Variants in PCDH11X observed in about 807,000 individuals in gnomAD.
PCDH11X encodes protocadherin 11 X-linked.
A neutral mutation model predicts 53.3 loss-of-function variants in PCDH11X; 18 were observed. The ratio of observed to expected loss-of-function variants is 0.34; its 90% confidence interval spans 0.23 to 0.50. The LOEUF (loss-of-function observed/expected upper bound fraction) is 0.50, where lower values mean the gene tolerates loss of function less well. Ranked by LOEUF, PCDH11X falls within the 20% of genes least tolerant of loss-of-function variation. PCDH11X has a pLI of 0.98. For missense variants in PCDH11X, 570 were observed against 1,032.4 expected, an observed-to-expected ratio of 0.55 and a Z score of 6.14; for synonymous variants, 279 against 393.3, an observed-to-expected ratio of 0.71 and a Z score of 3.44.
intron 6 of PCDH11X, among the ~76,000 whole-genome samples, chrX:91,881,620 C>T (rs1317273890): frequency 9.0e-6 from 1 of 111,610 alleles, no homozygotes; most frequent in African/African-American, 3.2e-5. Context: ...TTTCTATATG[C>T]TCTTCAATTT....
At chrX:92,480,356 C>T (rs1603341196) in intron 10 of PCDH11X, among the ~76,000 whole-genome samples, 1 of 111,195 alleles carries the variant, frequency 9.0e-6, no homozygotes, top group Non-Finnish European at 1.9e-5. Flanking sequence ...TCTGTCATGT[C>T]AGCTATTTCA....
chrX:92,314,502 C>G (rs1381798399), intron 8 of PCDH11X, among the ~76,000 whole-genome samples: 2 of 111,728 alleles, frequency 1.8e-5, no homozygotes, highest in Non-Finnish European at 3.8e-5. Context: ...AATACATAAA[C>G]TAGTAACATA....
At chrX:92,337,758 C>T (rs2148511707) in intron 8 of PCDH11X, among the ~76,000 whole-genome samples, 1 of 111,188 alleles carries the variant, frequency 9.0e-6, no homozygotes, top group African/African-American at 3.3e-5. Context: ...AGACCATCTT[C>T]AGGGTTTTCT....
chrX:92,319,253 T>C (rs1190068688), intron 8 of PCDH11X, among the ~76,000 whole-genome samples: 3 of 111,949 alleles, frequency 2.7e-5, no homozygotes, highest in African/African-American at 9.7e-5. Context: ...GAATTCATCT[T>C]CCTCTATCAA....
intron 6 of PCDH11X, among the ~76,000 whole-genome samples, chrX:91,966,618 A>G (rs897631272): frequency 7.2e-5 from 8 of 110,847 alleles, no homozygotes; most frequent in African/African-American, 2.6e-4. Context: ...CACGTTGTGC[A>G]CATGTACCCC....
chrX:91,851,757 G>A lies in PCDH11X; in HGVS notation c.540+15713G>A, dbSNP rs180812845. 1.4e-3 allele frequency among the ~76,000 whole-genome samples: 158 copies of A among 111,684 alleles called. 1 individual carries two copies. Among genetic ancestry groups the A allele is most frequent in the African/African-American group, 5.1e-3 (157 of 30,761 alleles). ...ACTAATTGGATTTACATAAACCCAA[G>A]TATTATATTTTACATATGCATTGAT... On this transcript the variant is annotated intron_variant, in intron 5 of 10. Transcript: ENST00000682573.
At chrX:92,482,444 C>G (rs1366992878) in intron 10 of PCDH11X, among the ~76,000 whole-genome samples, 1 of 110,190 alleles carries the variant, frequency 9.1e-6, no homozygotes, top group Non-Finnish European at 1.9e-5. Flanking sequence ...GTGCATAATT[C>G]TGTTCTTTTA....
chrX:92,240,073 G>A (rs1317301798), intron 7 of PCDH11X, among the ~76,000 whole-genome samples: 1 of 111,848 alleles, frequency 8.9e-6, no homozygotes, highest in Admixed American at 9.6e-5. Context: ...TTTATAGGTT[G>A]GAAGTCCAAG....
At chrX:92,103,157 A>G (rs952185766) in intron 6 of PCDH11X, among the ~76,000 whole-genome samples, 2 of 110,653 alleles carry the variant, frequency 1.8e-5, no homozygotes, top group African/African-American at 6.6e-5. Flanking sequence ...CGGCAATGAG[A>G]TGTGGCTGTA....
intron 6 of PCDH11X, among the ~76,000 whole-genome samples, chrX:92,195,841 T>G (rs2066284145): frequency 8.9e-6 from 1 of 111,870 alleles, no homozygotes; most frequent in Non-Finnish European, 1.9e-5. Context: ...AGGACGTAAA[T>G]TATTCCAGAT....
intron 8 of PCDH11X, among the ~76,000 whole-genome samples, chrX:92,289,509 A>G (rs1375837333): frequency 8.9e-6 from 1 of 111,820 alleles, no homozygotes; most frequent in Non-Finnish European, 1.9e-5. Flanking sequence ...TTACGCACTG[A>G]TGAATATGAA....
At chrX:92,518,349 G>C (rs943503811) in intron 10 of PCDH11X, among the ~76,000 whole-genome samples, 5 of 111,046 alleles carry the variant, frequency 4.5e-5, no homozygotes, top group Non-Finnish European at 9.5e-5. Flanking sequence ...ATTGTTATTA[G>C]AGCTTCCTTA....
At chrX:91,952,527 T>G (rs71216389) in intron 6 of PCDH11X, among the ~76,000 whole-genome samples, 10,429 of 110,354 alleles carry the variant, frequency 0.095, 627 homozygotes, top group African/African-American at 0.19. Context: ...TTAATGCATT[T>G]TTCCTATAAC....
intron 6 of PCDH11X, among the ~76,000 whole-genome samples, chrX:92,174,565 T>C (rs778934180): frequency 4.5e-5 from 5 of 111,938 alleles, no homozygotes; most frequent in African/African-American, 1.3e-4. Flanking sequence ...AGCTAAGTCA[T>C]AACTGGGAAT....
chrX:91,855,860 C>T (rs1312429969), intron 5 of PCDH11X, among the ~76,000 whole-genome samples: 1 of 111,722 alleles, frequency 9.0e-6, no homozygotes. Context: ...GATCCTGCAT[C>T]TTTACTGAAA....
In PCDH11X at chrX:91,971,583, A is replaced by G. The variant is rs755081472; in HGVS notation, c.3033+92310A>G. Among the ~76,000 whole-genome samples, 153 of 111,935 alleles carry G rather than the reference A, an allele frequency of 1.4e-3. 1 individual carries two copies. The highest frequency in any genetic ancestry group is 4.8e-3 in the African/African-American group (149 of 30,890). On this transcript the variant is annotated intron_variant, in intron 6 of 10. Coordinates refer to ENST00000682573, the MANE Select transcript of PCDH11X (RefSeq NM_032968.5). ...TAAAAACATAGCTTTTGGTTCTTAA[A>G]AAACAGTCACCTTATCTTTAATGAG... is the stretch of plus-strand genomic sequence containing the variant.
chrX:92,485,143 T>C (rs1308112129), intron 10 of PCDH11X, among the ~76,000 whole-genome samples: 2 of 110,837 alleles, frequency 1.8e-5, no homozygotes, highest in Non-Finnish European at 3.8e-5. Flanking sequence ...ATTATAAATA[T>C]AGGCAATCAT....
At chrX:92,011,344 C>A (rs1331857356) in intron 6 of PCDH11X, among the ~76,000 whole-genome samples, 1 of 112,079 alleles carries the variant, frequency 8.9e-6, no homozygotes, top group Non-Finnish European at 1.9e-5. Context: ...CCACCAACAG[C>A]CTATAAGCAT....
chrX:91,934,590 T>G (rs1253371516), intron 6 of PCDH11X, among the ~76,000 whole-genome samples: 2 of 108,683 alleles, frequency 1.8e-5, no homozygotes, highest in African/African-American at 6.7e-5. Context: ...TAAAACTGAC[T>G]AGGGGCACCT....
Sources: allele counts gnomAD v4.1 joint callset (sites outside exome capture counted in the v4.1 genomes callset), GRCh38; gene constraint gnomAD v4.1.1; transcripts MANE v1.5; gene names NCBI Gene and HGNC (gene_info 2026-07-23, HGNC 2026-07-21).